The following PLAAT1 variants were observed in gnomAD, a reference collection of about 807,000 sequenced individuals.
PLAAT1 encodes H-REV107 protein-related protein.
A neutral mutation model predicts 16.4 loss-of-function variants in PLAAT1; 13 were observed. The observed-to-expected ratio is 0.79, with a 90% CI of 0.52 to 1.26. The LOEUF (loss-of-function observed/expected upper bound fraction) is 1.26, where lower values mean the gene tolerates loss of function less well. Among genes scored for constraint, PLAAT1 ranks in the 50% most tolerant of loss-of-function variants. The pLI is 0.00. For missense variants in PLAAT1, 218 were observed against 207.8 expected, an observed-to-expected ratio of 1.05 and a Z score of -0.30; for synonymous variants, 73 against 78.4, an observed-to-expected ratio of 0.93 and a Z score of 0.36.
At chr3:193,253,905 G>A (rs1716284282) in intron 1 of PLAAT1, among the ~76,000 whole-genome samples, 1 of 151,862 alleles carries the variant, frequency 6.6e-6, no homozygotes, top group African/African-American at 2.4e-5. Flanking sequence ...AAAAAAAATT[G>A]CACTAGAAAG....
chr3:193,263,380 T>C, intron 3 of PLAAT1, 145 bp downstream of exon 3: 1 of 749,818 alleles, frequency 1.3e-6, no homozygotes, highest in Non-Finnish European at 2.1e-6. Flanking sequence ...TTGTCCAAGG[T>C]CCTGCAACAA....
chr3:193,255,442 T>C (rs1716339724), intron 1 of PLAAT1, among the ~76,000 whole-genome samples: 1 of 152,144 alleles, frequency 6.6e-6, no homozygotes, highest in African/African-American at 2.4e-5. Flanking sequence ...AATTAAGTAA[T>C]ACAAGACAAA....
downstream of PLAAT1, chr3:193,275,366 G>A (rs1463586244): frequency 6.5e-7 from 1 of 1,548,564 alleles, no homozygotes; most frequent in African/African-American, 1.4e-5. Context: ...CAGGCCGCTG[G>A]CCACCACAGC....
chr3:193,260,186 C>T (rs993344998), intron 2 of PLAAT1, among the ~76,000 whole-genome samples: 3 of 152,100 alleles, frequency 2.0e-5, no homozygotes, highest in Non-Finnish European at 4.4e-5. Context: ...CTCTGCCTTT[C>T]ACTATGTACA....
rs960855804 is a variant in PLAAT1 at position 193,258,549 on chromosome 3, G to A, written c.139+2760G>A. On this transcript the variant is annotated intron_variant, in intron 2 of 3. Coordinates refer to ENST00000264735, the MANE Select transcript of PLAAT1 (RefSeq NM_020386.5). The stretch of plus-strand genomic sequence containing the variant: ...AAAAAAGATCCAAAGAAGTACAATC[G>A]GAAATGACAAAAATGACATTATAAC... Among the ~76,000 whole-genome samples, 9 of 151,972 alleles carry A rather than the reference G, an allele frequency of 5.9e-5. No homozygotes were observed. In the East Asian group the frequency reaches 1.2e-3, roughly 20 times the overall value.
downstream of PLAAT1, among the ~76,000 whole-genome samples, chr3:193,272,281 A>C (rs1223472058): frequency 6.6e-6 from 1 of 152,062 alleles, no homozygotes; most frequent in Non-Finnish European, 1.5e-5. Flanking sequence ...GTCTCTACTA[A>C]AAATACAAAA....
chr3:193,251,885 C>T lies in PLAAT1; in HGVS notation c.1-3766C>T, dbSNP rs997121709. Among the ~76,000 whole-genome samples, 2 of 152,060 alleles carry T rather than the reference C, an allele frequency of 1.3e-5. 1 individual carries two copies. Among genetic ancestry groups the T allele is most frequent in the Non-Finnish European group, 2.9e-5 (2 of 68,008 alleles). On this transcript the variant is annotated intron_variant, in intron 1 of 3. Transcript: ENST00000264735. ...GTAGGAGAAGGGATAGTTAGGGAGC[C>T]TCCTATTACACCATTTTGCTGAGGT...
chr3:193,276,354 TCTC>T (rs1446527198), intron 2 of PLAAT1, among the ~76,000 whole-genome samples: 2 of 152,214 alleles, frequency 1.3e-5, no homozygotes, highest in Non-Finnish European at 2.9e-5. Context: ...AGCAACGGCT[TCTC>T]CTCTTTCTTA....
intron 2 of PLAAT1, 122 bp downstream of exon 2, chr3:193,255,911 C>A: frequency 3.3e-6 from 3 of 898,626 alleles, no homozygotes; most frequent in Non-Finnish European, 3.1e-6. Flanking sequence ...CAGATAAATC[C>A]AACTAATCTA....
At chr3:193,249,866 C>T (rs1348231095) in intron 1 of PLAAT1, among the ~76,000 whole-genome samples, 1 of 151,936 alleles carries the variant, frequency 6.6e-6, no homozygotes, top group Non-Finnish European at 1.5e-5. Flanking sequence ...TTTTCTGTCT[C>T]ATCGTTGAAG....
rs1715730189 is a variant in PLAAT1 at position 193,241,310 on chromosome 3, G to A, written c.-224G>A. 8.1e-7 allele frequency: 1 copy of A among 1,231,118 alleles called. No homozygotes were observed. Among genetic ancestry groups the A allele is most frequent in the East Asian group, 3.2e-5 (1 of 31,648 alleles). The allele number at this position is 1,231,118 out of a possible 1,614,324, so 76.3% of individuals were successfully genotyped here. On this transcript the variant is annotated 5_prime_UTR_variant, in exon 1 of 4. Transcript: ENST00000264735. ...GTGCGGGCGTCTCAGAGCCGCGGAG[G>A]GGCCGCCGGGACCGTTTCAGCGTGG...
downstream of PLAAT1, among the ~76,000 whole-genome samples, chr3:193,279,671 A>G (rs1717392462): frequency 6.6e-6 from 1 of 152,166 alleles, no homozygotes. Context: ...GAGACTGTTA[A>G]TCAAATGTAT....
intron 1 of PLAAT1, among the ~76,000 whole-genome samples, chr3:193,247,277 A>G (rs771285280): frequency 6.6e-6 from 1 of 152,206 alleles, no homozygotes; most frequent in African/African-American, 2.4e-5. Context: ...CTTACACCAG[A>G]TATTTTGTGC....
At chr3:193,258,591 C>T (rs1716466455) in intron 2 of PLAAT1, among the ~76,000 whole-genome samples, 1 of 152,090 alleles carries the variant, frequency 6.6e-6, no homozygotes, top group Admixed American at 6.5e-5. Context: ...TACAGAAATA[C>T]AGAAGGTCCC....
intron 1 of PLAAT1, among the ~76,000 whole-genome samples, chr3:193,252,525 G>A (rs1188305090): frequency 6.6e-6 from 1 of 152,040 alleles, no homozygotes; most frequent in East Asian, 1.9e-4. Flanking sequence ...ATCTTAACAG[G>A]ATCTTTTGTA....
At chr3:193,243,689 G>C (rs866690436) in intron 1 of PLAAT1, among the ~76,000 whole-genome samples, 8 of 152,214 alleles carry the variant, frequency 5.3e-5, no homozygotes, top group Non-Finnish European at 1.0e-4. Flanking sequence ...TTGAATTCCA[G>C]TTGTGTCGCT....
chr3:193,250,204 T>A (rs566954468), intron 1 of PLAAT1, among the ~76,000 whole-genome samples: 2 of 152,282 alleles, frequency 1.3e-5, no homozygotes, highest in Middle Eastern at 3.4e-3. Context: ...AAATCTGCTA[T>A]TTTTTATTCT....
At chr3:193,245,762 A>G (rs1373625229) in intron 1 of PLAAT1, among the ~76,000 whole-genome samples, 1 of 152,120 alleles carries the variant, frequency 6.6e-6, no homozygotes, top group African/African-American at 2.4e-5. Context: ...TGTGGCTTTA[A>G]TTTGCATTTC....
intron 2 of PLAAT1, among the ~76,000 whole-genome samples, chr3:193,259,937 A>G (rs112077258): frequency 6.6e-5 from 10 of 152,148 alleles, no homozygotes; most frequent in African/African-American, 2.4e-4. Context: ...CTGCAGGCAC[A>G]TTACCCAACT....
Sources: allele counts gnomAD v4.1 joint callset (sites outside exome capture counted in the v4.1 genomes callset), GRCh38; gene constraint gnomAD v4.1.1; transcripts MANE v1.5; gene names NCBI Gene and HGNC (gene_info 2026-07-23, HGNC 2026-07-21).